The following CEP76 variants were observed in gnomAD, a reference collection of about 807,000 sequenced individuals.
CEP76 encodes the protein centrosomal protein 76.
In CEP76, 55 loss-of-function variants were observed where a neutral mutation model predicts 83.3. The ratio of observed to expected loss-of-function variants is 0.66; its 90% CI spans 0.53 to 0.83. CEP76 has a LOEUF of 0.83. Among genes scored for constraint, CEP76 ranks in the 40% least tolerant of loss-of-function variants. The pLI is 0.00. For synonymous variants in CEP76, 270 were observed against 274.5 expected (o/e 0.98, Z 0.16); for missense variants, 694 against 799.5 (o/e 0.87, Z 1.59).
chr18:12,701,913 G>A (rs2040166850), intron 1 of CEP76, among the ~76,000 whole-genome samples: 1 of 152,042 alleles, frequency 6.6e-6, no homozygotes, highest in African/African-American at 2.4e-5. Context: ...GCCGGATCAC[G>A]AAGTCAGGAG....
chr18:12,691,047 A>T (rs2039740225), intron 7 of CEP76, among the ~76,000 whole-genome samples: 1 of 152,142 alleles, frequency 6.6e-6, no homozygotes, highest in Admixed American at 6.6e-5. Context: ...TTCCAAGTTA[A>T]ACAAAATGGA....
At chr18:12,692,394 C>G (rs569194512) in intron 6 of CEP76, 2 of 152,322 alleles carry the variant, frequency 1.3e-5, no homozygotes, top group Admixed American at 6.6e-5. Context: ...CTGCCCTGGC[C>G]TATGAACTCT....
intron 11 of CEP76, 36 bp downstream of exon 11, chr18:12,674,500 T>A (rs1645666557): frequency 6.6e-7 from 1 of 1,519,572 alleles, no homozygotes; most frequent in South Asian, 1.1e-5. Context: ...GTAAGACTCC[T>A]AAACTGAAAA....
chr18:12,664,361 G>C (rs1414747379), intron 12 of CEP76, among the ~76,000 whole-genome samples: 1 of 151,816 alleles, frequency 6.6e-6, no homozygotes, highest in African/African-American at 2.4e-5. Flanking sequence ...GGCTAACACG[G>C]TGAAACCTCT....
rs2145111653 is a variant in CEP76, at chr18:12,699,849, T to C, written c.276A>G (p.Arg92=). ...SSPKQPICFD[R]QSTLKKTNID... ...ACATACTTTTTTTTAATGTCGATTG[T>C]CTATCAAAACAAATAGGTTGTTTTG... Residue 92 remains arginine, a synonymous_variant, in exon 3 of 12, where the codon AGA becomes AGG. Coordinates refer to ENST00000262127, the MANE Select transcript of CEP76 (RefSeq NM_024899.4). 1 of 1,583,812 alleles carries C rather than the reference T, an allele frequency of 6.3e-7. No homozygotes were observed. Among genetic ancestry groups the C allele is most frequent in the Non-Finnish European group, 8.6e-7 (1 of 1,162,536 alleles).
intron 2 of CEP76, 25 bp downstream of exon 2, chr18:12,700,932 AT>A (rs762725284): frequency 1.3e-6 from 2 of 1,591,774 alleles, no homozygotes; most frequent in East Asian, 2.2e-5. Context: ...ATATACTCTC[AT>A]TTATTTCCCT....
intron 11 of CEP76, among the ~76,000 whole-genome samples, 184 bp downstream of exon 11, chr18:12,674,352 G>A (rs928663573): frequency 6.6e-6 from 1 of 151,560 alleles, no homozygotes; most frequent in Non-Finnish European, 1.5e-5. Context: ...TGAGGTGGAA[G>A]GGTCACTTGG....
At chr18:12,687,735 G>A (rs755755017) in intron 7 of CEP76, among the ~76,000 whole-genome samples, 5 of 151,744 alleles carry the variant, frequency 3.3e-5, no homozygotes, top group Non-Finnish European at 5.9e-5. Context: ...TTACAGGTGT[G>A]AGCCACTGTG....
At chr18:12,696,937 T>G (rs948790626) in intron 5 of CEP76, among the ~76,000 whole-genome samples, 1 of 147,872 alleles carries the variant, frequency 6.8e-6, no homozygotes, top group African/African-American at 2.7e-5. Flanking sequence ...AGCCTTATAT[T>G]TAATCAAATG....
downstream of CEP76, among the ~76,000 whole-genome samples, chr18:12,670,092 G>A (rs1298665399): frequency 2.6e-5 from 4 of 152,188 alleles, no homozygotes; most frequent in Non-Finnish European, 5.9e-5. Flanking sequence ...CACTTGGGGA[G>A]GCCAAGGCAG....
chr18:12,691,919 C>A (rs1176164142), intron 6 of CEP76, among the ~76,000 whole-genome samples: 1 of 152,008 alleles, frequency 6.6e-6, no homozygotes, highest in Non-Finnish European at 1.5e-5. Flanking sequence ...CAGGGTTTCA[C>A]CACATTGGTC....
chr18:12,697,182 T>C lies in CEP76; in HGVS notation c.706+41A>G, dbSNP rs201209891. ...ATAAAATATATTTACAAATGAACTG[T>C]GGCTATAAAAAGGTTAACAATGATA... On this transcript the variant is annotated intron_variant, in intron 5 of 11. Coordinates refer to ENST00000262127, the MANE Select transcript of CEP76 (RefSeq NM_024899.4). 1.7e-5 allele frequency: 22 copies of C among 1,271,698 alleles called. No individual in the cohort carries two copies. In the East Asian group the frequency reaches 5.3e-4, roughly 31 times the overall value. The allele number at this position is 1,271,698 out of a possible 1,614,324, so 78.8% of individuals were successfully genotyped here.
intron 12 of CEP76, among the ~76,000 whole-genome samples, chr18:12,666,474 C>T (rs930808617): frequency 7.5e-6 from 1 of 133,820 alleles, no homozygotes. Flanking sequence ...GGGTCTCCCT[C>T]TGTTGCCCAG....
intron 11 of CEP76, 22 bp downstream of exon 11, chr18:12,674,514 G>T: frequency 2.6e-6 from 4 of 1,557,592 alleles, no homozygotes; most frequent in South Asian, 1.1e-5. Flanking sequence ...CTGAAAAAAT[G>T]ATTCCGTAAA....
rs2039743916 is a variant in CEP76 at position 12,691,124 on chromosome 18, G to A, written c.933+235C>T. Reference sequence around the variant, plus strand: ...AAACACAATAATTGATTCAACCTGAGAAAGGTGATTTTTCAAAAACCCACA... The same window carrying A: ...AAACACAATAATTGATTCAACCTGAAAAAGGTGATTTTTCAAAAACCCACA... On this transcript the variant is annotated intron_variant, in intron 7 of 11. Coordinates refer to ENST00000262127, the MANE Select transcript of CEP76 (RefSeq NM_024899.4). 3 of 374,380 alleles carry A rather than the reference G, an allele frequency of 8.0e-6. No individual in the cohort carries two copies. The South Asian group carries it at 2.5e-4, about 32-fold the overall frequency. The allele number at this position is 374,380 out of a possible 1,614,324, so 23.2% of individuals were successfully genotyped here.
intron 9 of CEP76, among the ~76,000 whole-genome samples, chr18:12,678,643 C>T (rs2039230980): frequency 6.6e-6 from 1 of 152,020 alleles, no homozygotes; most frequent in South Asian, 2.1e-4. Context: ...GAAACCAACT[C>T]TGTTAACAAC....
downstream of CEP76, among the ~76,000 whole-genome samples, chr18:12,668,358 G>A (rs2144956390): frequency 6.6e-6 from 1 of 152,020 alleles, no homozygotes; most frequent in African/African-American, 2.4e-5. Context: ...TTGGGAACCC[G>A]AGGTGGGCAG....
intron 12 of CEP76, among the ~76,000 whole-genome samples, chr18:12,662,394 AAC>A (rs1449772070): frequency 6.6e-6 from 1 of 152,232 alleles, no homozygotes; most frequent in Non-Finnish European, 1.5e-5. Context: ...CAGTAAATGA[AAC>A]AGTTGGTACT....
chr18:12,667,773 AAAAAG>A (rs1308845197), downstream of CEP76, among the ~76,000 whole-genome samples: 18 of 149,528 alleles, frequency 1.2e-4, no homozygotes, highest in East Asian at 3.9e-4. Context: ...AAAAAAAAAA[AAAAAG>A]AAAAGAAAAG....
Sources: allele counts gnomAD v4.1 joint callset (sites outside exome capture counted in the v4.1 genomes callset), GRCh38; gene constraint gnomAD v4.1.1; transcripts MANE v1.5; gene names NCBI Gene and HGNC (gene_info 2026-07-23, HGNC 2026-07-21).